The following KATNAL2 variants were observed in gnomAD, a reference collection of about 807,000 sequenced individuals.
KATNAL2 encodes the protein katanin catalytic subunit A1 like 2.
Under a neutral mutation model 76.3 loss-of-function variants are expected in KATNAL2, and 52 were observed. The observed-to-expected ratio is 0.68, with a 90% CI of 0.55 to 0.86. KATNAL2 has a LOEUF of 0.86. Among genes scored for constraint, KATNAL2 ranks in the 40% least tolerant of loss-of-function variants. The pLI, the probability that KATNAL2 is intolerant of heterozygous loss-of-function variation, is 0.00. For synonymous variants in KATNAL2, 243 were observed against 244.2 expected (o/e 1.00, Z 0.05); for missense variants, 660 against 668.9 (o/e 0.99, Z 0.15).
intron 4 of KATNAL2, 37 bp from the exon 5 acceptor site, chr18:47,052,843 C>T (rs1477059185): frequency 6.7e-7 from 1 of 1,498,094 alleles, no homozygotes; most frequent in Non-Finnish European, 9.0e-7. Flanking sequence ...CTTTTCACCT[C>T]AGTTAATTTC....
At chr18:47,074,662 A>G (rs1042863479) in intron 13 of KATNAL2, among the ~76,000 whole-genome samples, 9 of 151,990 alleles carry the variant, frequency 5.9e-5, no homozygotes, top group Admixed American at 4.6e-4. Flanking sequence ...AGTCTATAAT[A>G]TTTTATTTTA....
chr18:47,084,847 TAAAA>T (rs34034453), intron 15 of KATNAL2, among the ~76,000 whole-genome samples: 54 of 25,530 alleles, frequency 2.1e-3, no homozygotes, highest in East Asian at 1.3e-3. Context: ...AGACTCTGTC[TAAAA>T]AAAAAAAAAA....
chr18:47,046,248 TC>T, intron 3 of KATNAL2: 1 of 561,236 alleles, frequency 1.8e-6, no homozygotes, highest in Non-Finnish European at 3.1e-6. Context: ...AAAATCATTG[TC>T]CCTTAAGTTT....
At chr18:46,922,053 C>T (rs944715287) in intron 1 of KATNAL2, among the ~76,000 whole-genome samples, 1 of 151,752 alleles carries the variant, frequency 6.6e-6, no homozygotes. Flanking sequence ...TTTACCAAAA[C>T]TAGTATCAAG....
chr18:46,956,901 G>C (rs1290996362), intron 3 of KATNAL2, among the ~76,000 whole-genome samples: 1 of 152,030 alleles, frequency 6.6e-6, no homozygotes, highest in Non-Finnish European at 1.5e-5. Context: ...AAATTAGCCA[G>C]GCGTGGTGGC....
chr18:47,059,842 G>C (rs148220139), intron 8 of KATNAL2, among the ~76,000 whole-genome samples, 188 bp downstream of exon 8: 84 of 152,128 alleles, frequency 5.5e-4, no homozygotes, highest in African/African-American at 2.0e-3. Flanking sequence ...CTGAATGAAT[G>C]GGCTGGCATG....
intron 3 of KATNAL2, chr18:47,034,989 C>A: frequency 2.5e-6 from 4 of 1,611,618 alleles, no homozygotes; most frequent in Non-Finnish European, 3.4e-6. Context: ...GGGAAGCGCT[C>A]TCCTCAGGGT....
chr18:46,957,853 C>A (rs879651667), intron 3 of KATNAL2, among the ~76,000 whole-genome samples: 1 of 152,050 alleles, frequency 6.6e-6, no homozygotes, highest in Non-Finnish European at 1.5e-5. Flanking sequence ...TGAGCCACCG[C>A]GCCCAGCCTA....
At chr18:47,042,216 G>C (rs555308483) in intron 3 of KATNAL2, among the ~76,000 whole-genome samples, 1 of 151,742 alleles carries the variant, frequency 6.6e-6, no homozygotes, top group South Asian at 2.1e-4. Context: ...TTTTTCTTTT[G>C]AACTTCTGAG....
chr18:47,091,782 G>A (rs2063011189), intron 15 of KATNAL2, among the ~76,000 whole-genome samples: 2 of 152,142 alleles, frequency 1.3e-5, no homozygotes, highest in Admixed American at 1.3e-4. Context: ...ACTTCCTTTA[G>A]ACAGGAAGTC....
intron 6 of KATNAL2, among the ~76,000 whole-genome samples, chr18:47,056,780 G>T (rs1465820106): frequency 2.0e-5 from 3 of 151,988 alleles, no homozygotes; most frequent in African/African-American, 7.3e-5. Context: ...AGCTCCACAA[G>T]GATGGTGAGG....
chr18:47,044,991 A>G (rs890087852), intron 3 of KATNAL2, among the ~76,000 whole-genome samples: 3 of 152,136 alleles, frequency 2.0e-5, no homozygotes, highest in Admixed American at 2.0e-4. Context: ...CCAGCTACTG[A>G]GGAGACTGAA....
intron 3 of KATNAL2, among the ~76,000 whole-genome samples, chr18:46,951,722 A>G (rs1158384975): frequency 1.3e-5 from 2 of 152,158 alleles, no homozygotes; most frequent in Non-Finnish European, 2.9e-5. Flanking sequence ...GCTCAGGTTA[A>G]TACTCTAGGT....
chr18:46,929,508 G>T (rs897237112), intron 1 of KATNAL2, among the ~76,000 whole-genome samples: 1 of 152,088 alleles, frequency 6.6e-6, no homozygotes, highest in Non-Finnish European at 1.5e-5. Flanking sequence ...CTCCCGAAGT[G>T]CTGGGATTGC....
Position 47,069,504 on chromosome 18 carries a change from C to T in KATNAL2, c.912C>T (p.Ala304=). The stretch of plus-strand genomic sequence containing the variant: ...TAGGTACAGGAAAGACTTTACTGGC[C>T]AAAGCTGTGGCCACTGAATGTAAAA... ...GPPGTGKTLL[A]KAVATECKTT... Residue 304 remains alanine, a synonymous_variant, in exon 13 of 18, where the codon GCC becomes GCT. Transcript: ENST00000683218. 1 of 1,613,370 alleles carries T rather than the reference C, an allele frequency of 6.2e-7. No homozygotes were observed. Among genetic ancestry groups the T allele is most frequent in the Non-Finnish European group, 8.5e-7 (1 of 1,179,622 alleles).
At chr18:47,075,035 T>C (rs1307741984) in intron 13 of KATNAL2, among the ~76,000 whole-genome samples, 1 of 152,142 alleles carries the variant, frequency 6.6e-6, no homozygotes, top group Non-Finnish European at 1.5e-5. Context: ...ATTAGTAACC[T>C]TGGAGTAACC....
intron 8 of KATNAL2, among the ~76,000 whole-genome samples, chr18:47,061,369 G>A (rs574347787): frequency 3.9e-5 from 6 of 152,158 alleles, no homozygotes; most frequent in Non-Finnish European, 2.9e-5. Context: ...GAACAAGAAG[G>A]GAGGGAGATG....
At chr18:47,080,632 A>G (rs2062462850) in intron 15 of KATNAL2, among the ~76,000 whole-genome samples, 1 of 152,184 alleles carries the variant, frequency 6.6e-6, no homozygotes, top group Non-Finnish European at 1.5e-5. Flanking sequence ...ATGTTGCACC[A>G]TTTCACATGA....
At chr18:47,078,213 C>T (rs2062333287) in intron 15 of KATNAL2, among the ~76,000 whole-genome samples, 1 of 152,134 alleles carries the variant, frequency 6.6e-6, no homozygotes, top group African/African-American at 2.4e-5. Context: ...TGTAGCCTAG[C>T]TGGGACTTGT....
Sources: allele counts gnomAD v4.1 joint callset (sites outside exome capture counted in the v4.1 genomes callset), GRCh38; gene constraint gnomAD v4.1.1; transcripts MANE v1.5; gene names NCBI Gene and HGNC (gene_info 2026-07-23, HGNC 2026-07-21).